Variants in FRMD5 observed in about 807,000 individuals in gnomAD.
FRMD5 encodes the protein FERM domain-containing protein 5.
In FRMD5, 20 loss-of-function variants were observed where a neutral mutation model predicts 69.0. That is an observed-to-expected ratio of 0.29 (90% CI 0.20 to 0.42). The LOEUF (loss-of-function observed/expected upper bound fraction) is 0.42. Ranked by LOEUF, FRMD5 falls within the 10% of genes least tolerant of loss-of-function variation. FRMD5 has a pLI of 1.00. For missense variants in FRMD5, 595 were observed against 708.6 expected, an observed-to-expected ratio of 0.84 and a Z score of 1.82; for synonymous variants, 271 against 260.1, an observed-to-expected ratio of 1.04 and a Z score of -0.40.
chr15:43,887,866 C>T (rs2088699986), intron 10 of FRMD5, among the ~76,000 whole-genome samples: 1 of 152,228 alleles, frequency 6.6e-6, no homozygotes, highest in Admixed American at 6.5e-5. Context: ...TAAAACAAGA[C>T]CAAAGGGCTT....
At chr15:44,114,643 C>T (rs1455407434) in intron 1 of FRMD5, among the ~76,000 whole-genome samples, 1 of 152,032 alleles carries the variant, frequency 6.6e-6, no homozygotes. Context: ...GGTTATAATG[C>T]CAATGTGAAA....
At chr15:43,875,908 C>T in intron 13 of FRMD5, 2 of 796,254 alleles carry the variant, frequency 2.5e-6, no homozygotes, top group Non-Finnish European at 4.3e-6. Context: ...ACTGCTGGGT[C>T]TGTAAACACA....
chr15:43,935,009 C>T (rs2089735685), intron 1 of FRMD5, among the ~76,000 whole-genome samples: 3 of 152,204 alleles, frequency 2.0e-5, no homozygotes, highest in African/African-American at 7.2e-5. Context: ...TAAAGTGTCC[C>T]TTGCAACCTC....
intron 1 of FRMD5, among the ~76,000 whole-genome samples, chr15:43,980,003 A>C (rs2140617659): frequency 6.6e-6 from 1 of 152,362 alleles, no homozygotes; most frequent in South Asian, 2.1e-4. Flanking sequence ...GTTGAATTCC[A>C]AGACCAATGT....
At chr15:44,194,905 G>T in intron 1 of FRMD5, 48 bp downstream of exon 1, 2 of 1,452,952 alleles carry the variant, frequency 1.4e-6, no homozygotes, top group Non-Finnish European at 1.9e-6. Flanking sequence ...GACCAGACTT[G>T]GGGGACAAGG....
chr15:43,899,457 G>C (rs767332837), intron 7 of FRMD5, among the ~76,000 whole-genome samples: 3 of 152,168 alleles, frequency 2.0e-5, no homozygotes, highest in Non-Finnish European at 2.9e-5. Context: ...GTAGTGACTT[G>C]AGTTCAAATT....
intron 1 of FRMD5, among the ~76,000 whole-genome samples, chr15:44,022,348 T>G (rs1891243959): frequency 6.6e-6 from 1 of 151,636 alleles, no homozygotes; most frequent in African/African-American, 2.4e-5. Flanking sequence ...GGGGATCACT[T>G]GAGGCCAGGA....
At chr15:43,968,694 T>C (rs944717543) in intron 1 of FRMD5, among the ~76,000 whole-genome samples, 3 of 152,218 alleles carry the variant, frequency 2.0e-5, no homozygotes, top group Non-Finnish European at 4.4e-5. Flanking sequence ...GGTGTTTTAT[T>C]GGCTAGTCTA....
intron 1 of FRMD5, among the ~76,000 whole-genome samples, chr15:43,964,503 A>AC (rs1275266006): frequency 4.5e-4 from 65 of 144,448 alleles, no homozygotes; most frequent in East Asian, 2.0e-3. Context: ...AAACAAACAA[A>AC]AAAAAAAACA....
At chr15:43,981,643 A>G (rs1349868706) in intron 1 of FRMD5, among the ~76,000 whole-genome samples, 1 of 152,250 alleles carries the variant, frequency 6.6e-6, no homozygotes, top group Non-Finnish European at 1.5e-5. Flanking sequence ...TTCAGTGCCC[A>G]TATCATAGAA....
intron 1 of FRMD5, among the ~76,000 whole-genome samples, chr15:43,954,199 G>C (rs2090079903): frequency 6.6e-6 from 1 of 152,180 alleles, no homozygotes; most frequent in Admixed American, 6.5e-5. Flanking sequence ...CGCTTTCCCT[G>C]GGGGCTGGCA....
intron 1 of FRMD5, among the ~76,000 whole-genome samples, chr15:43,927,934 C>A (rs187663437): frequency 1.3e-5 from 2 of 152,264 alleles, no homozygotes; most frequent in Admixed American, 1.3e-4. Context: ...ACAACTCATT[C>A]TCATGGGCTG....
chr15:43,880,321 T>C (rs914455865), intron 13 of FRMD5, among the ~76,000 whole-genome samples: 1 of 152,156 alleles, frequency 6.6e-6, no homozygotes, highest in South Asian at 2.1e-4. Flanking sequence ...GGGTTTTTGT[T>C]GGTTGCGCCC....
chr15:43,955,008 T>G (rs1006210677), intron 1 of FRMD5, among the ~76,000 whole-genome samples: 2 of 152,216 alleles, frequency 1.3e-5, no homozygotes, highest in Non-Finnish European at 2.9e-5. Flanking sequence ...CAAGCTCCTT[T>G]TGATTGTGGA....
At chr15:43,891,728 A>G (rs571186765) in intron 8 of FRMD5, among the ~76,000 whole-genome samples, 12 of 151,908 alleles carry the variant, frequency 7.9e-5, no homozygotes, top group African/African-American at 2.7e-4. Context: ...CAGGCCTCTC[A>G]CCCTCCCCAG....
chr15:44,030,670 C>G (rs1423235353), intron 1 of FRMD5, among the ~76,000 whole-genome samples: 1 of 152,078 alleles, frequency 6.6e-6, no homozygotes. Flanking sequence ...TAGCAAAGCT[C>G]AGTGATACCA....
At chr15:44,019,463 C>T (rs1434468304) in intron 1 of FRMD5, among the ~76,000 whole-genome samples, 4 of 151,120 alleles carry the variant, frequency 2.6e-5, no homozygotes, top group African/African-American at 4.9e-5. Flanking sequence ...GGGCCAGGCA[C>T]GGTGCCTCAC....
intron 1 of FRMD5, among the ~76,000 whole-genome samples, chr15:44,122,929 A>G (rs1027348045): frequency 1.3e-5 from 2 of 152,126 alleles, no homozygotes; most frequent in East Asian, 3.9e-4. Flanking sequence ...CTCTAATTTA[A>G]TAAGTTTAAT....
chr15:44,146,825 C>G (rs2077364160), intron 1 of FRMD5, among the ~76,000 whole-genome samples: 1 of 152,040 alleles, frequency 6.6e-6, no homozygotes, highest in African/African-American at 2.4e-5. Flanking sequence ...TGTCCTTTGG[C>G]CACTTTTTAA....
Sources: allele counts gnomAD v4.1 joint callset (sites outside exome capture counted in the v4.1 genomes callset), GRCh38; gene constraint gnomAD v4.1.1; transcripts MANE v1.5; gene names NCBI Gene and HGNC (gene_info 2026-07-23, HGNC 2026-07-21).